Variants in PHAX observed in about 807,000 individuals in gnomAD.
PHAX encodes the protein phosphorylated adapter RNA export protein.
In PHAX, 31 loss-of-function variants were observed where a neutral mutation model predicts 41.6. The observed-to-expected ratio is 0.75, with a 90% CI of 0.56 to 1.01. The LOEUF is 1.01. Ranked by LOEUF, PHAX falls within the 50% of genes least tolerant of loss-of-function variation. The pLI is 0.00. For missense variants in PHAX, 453 were observed against 472.9 expected (o/e 0.96, Z 0.39); for synonymous variants, 175 against 164.9 (o/e 1.06, Z -0.47).
rs1172148406 is a variant in PHAX, at chr5:126,627,107, CTG to C, written c.*2265_*2266del. ...AAATGTAAAATTCAGCAATTATAAA[CTG>C]TTCCTTACAGACAGTGTACTTGAAG... On this transcript the variant is annotated 3_prime_UTR_variant, in exon 5 of 5. Coordinates refer to ENST00000297540, the MANE Select transcript of PHAX (RefSeq NM_032177.4). 6 of 152,150 alleles carry C rather than the reference CTG, an allele frequency of 3.9e-5. No homozygotes were observed. The highest frequency in any genetic ancestry group is 8.8e-5 in the Non-Finnish European group (6 of 68,034). 9.4% of individuals were successfully genotyped at this position (152,150 alleles called of 1,614,324 possible).
intron 2 of PHAX, among the ~76,000 whole-genome samples, chr5:126,605,044 A>G (rs1201119155): frequency 1.3e-5 from 2 of 151,888 alleles, no homozygotes; most frequent in East Asian, 3.9e-4. Flanking sequence ...AGAAAAAAAA[A>G]AAAATTAGGA....
intron 4 of PHAX, among the ~76,000 whole-genome samples, chr5:126,619,539 G>A (rs959088454): frequency 4.7e-5 from 7 of 149,902 alleles, no homozygotes; most frequent in African/African-American, 1.7e-4. Flanking sequence ...TCACACCACT[G>A]TACTCCAGCC....
At chr5:126,605,139 A>G (rs187623918) in intron 2 of PHAX, among the ~76,000 whole-genome samples, 2 of 151,502 alleles carry the variant, frequency 1.3e-5, no homozygotes, top group East Asian at 1.9e-4. Flanking sequence ...CTGGGATTAT[A>G]TGCATCAACC....
In PHAX at chr5:126,624,901, A is replaced by G. The variant is rs1390968819; in HGVS notation, c.*57A>G. 1 of 1,470,596 alleles carries G rather than the reference A, an allele frequency of 6.8e-7. No homozygotes were observed. The highest frequency in any genetic ancestry group is 9.2e-7 in the Non-Finnish European group (1 of 1,088,110). The allele number at this position is 1,470,596 out of a possible 1,614,324, so 91.1% of individuals were successfully genotyped here. On this transcript the variant is annotated 3_prime_UTR_variant, in exon 5 of 5. Transcript: ENST00000297540. ...TTCTAAAATAACATTGTAATAAACC[A>G]TTTTTACTGAGATTGCAACGTTTTG...
chr5:126,624,467 T>G (rs1173311259), intron 4 of PHAX, 108 bp from the exon 5 acceptor site: 2 of 869,844 alleles, frequency 2.3e-6, no homozygotes, highest in African/African-American at 1.7e-5. Flanking sequence ...CTAATAATAC[T>G]TGTATTTTTT....
intron 3 of PHAX, among the ~76,000 whole-genome samples, chr5:126,610,541 C>T (rs537793635): frequency 6.6e-6 from 1 of 152,334 alleles, no homozygotes; most frequent in African/African-American, 2.4e-5. Context: ...AATGCACTGC[C>T]ATCCCTATTT....
chr5:126,622,191 T>C (rs1202151358), intron 4 of PHAX, among the ~76,000 whole-genome samples: 1 of 152,100 alleles, frequency 6.6e-6, no homozygotes, highest in Non-Finnish European at 1.5e-5. Flanking sequence ...TGGAGTGCAG[T>C]GGCGCGCTCT....
At chr5:126,616,304 C>T (rs2112835593) in intron 3 of PHAX, among the ~76,000 whole-genome samples, 1 of 152,122 alleles carries the variant, frequency 6.6e-6, no homozygotes. Flanking sequence ...TGTTGTTGAC[C>T]AGGCTAGTCT....
chr5:126,604,030 G>T lies in PHAX; in HGVS notation c.557G>T (p.Gly186Val), dbSNP rs749620095. 1 of 1,613,914 alleles carries T rather than the reference G, an allele frequency of 6.2e-7. No individual in the cohort carries two copies. Among genetic ancestry groups the T allele is most frequent in the South Asian group, 1.1e-5 (1 of 91,054 alleles). The change falls in exon 2 of 5, where the codon GGA (glycine) becomes GTA (valine). Residue 186 changes from glycine to valine, a missense_variant. Coordinates refer to ENST00000297540, the MANE Select transcript of PHAX (RefSeq NM_032177.4). ...TATATGCATGGTGGCAAAAAAATGG[G>T]ATCAAAGGAAGAGGAAAATGGGCAA... ...DEYMHGGKKM[G>V]SKEEENGQGH...
intron 3 of PHAX, among the ~76,000 whole-genome samples, chr5:126,609,020 C>G (rs929157895): frequency 6.8e-6 from 1 of 147,382 alleles, no homozygotes; most frequent in Non-Finnish European, 1.5e-5. Context: ...AACAAACAAA[C>G]AAACATAAAT....
intron 4 of PHAX, among the ~76,000 whole-genome samples, chr5:126,622,195 G>A (rs993598253): frequency 5.3e-5 from 8 of 151,912 alleles, no homozygotes; most frequent in Non-Finnish European, 1.0e-4. Context: ...GTGCAGTGGC[G>A]CGCTCTCGGC....
In PHAX at chr5:126,617,344, T is replaced by C. The variant is rs1200268125; in HGVS notation, c.915+11T>C. ...GAGGAACAAATTAAGGTAATGATAA[T>C]GTCCTCACCTCTTAAGCGCCATCAT... On this transcript the variant is annotated intron_variant, in intron 4 of 4. Coordinates refer to ENST00000297540, the MANE Select transcript of PHAX (RefSeq NM_032177.4). 2.0e-6 allele frequency: 3 copies of C among 1,521,804 alleles called. No homozygotes were observed. Among genetic ancestry groups the C allele is most frequent in the Non-Finnish European group, 1.8e-6 (2 of 1,098,802 alleles). The allele number at this position is 1,521,804 out of a possible 1,614,324, so 94.3% of individuals were successfully genotyped here.
At chr5:126,602,864 G>A (rs1751925479) in intron 1 of PHAX, among the ~76,000 whole-genome samples, 4 of 152,036 alleles carry the variant, frequency 2.6e-5, no homozygotes, top group Non-Finnish European at 5.9e-5. Context: ...AATTAGCTGG[G>A]CGTGGTGGCG....
chr5:126,622,737 A>G (rs1024347614), intron 4 of PHAX, among the ~76,000 whole-genome samples: 4 of 152,162 alleles, frequency 2.6e-5, no homozygotes, highest in Admixed American at 6.6e-5. Context: ...AAATGCTTCT[A>G]CTGTGGCTTC....
chr5:126,611,568 T>C (rs1752101655), intron 3 of PHAX, among the ~76,000 whole-genome samples: 1 of 152,096 alleles, frequency 6.6e-6, no homozygotes, highest in South Asian at 2.1e-4. Flanking sequence ...GGTAGATTGC[T>C]TGAGTACAGG....
At chr5:126,602,357 G>A (rs549384996) in intron 1 of PHAX, among the ~76,000 whole-genome samples, 159 of 152,364 alleles carry the variant, frequency 1.0e-3, no homozygotes, top group African/African-American at 3.6e-3. Context: ...TGGGGCCACC[G>A]ATGTGTGACC....
intron 2 of PHAX, among the ~76,000 whole-genome samples, chr5:126,608,050 T>C (rs1254394640): frequency 6.6e-6 from 1 of 152,164 alleles, no homozygotes; most frequent in Non-Finnish European, 1.5e-5. Flanking sequence ...ATTTTGACAA[T>C]AGTGGACTGC....
At chr5:126,601,783 C>G (rs569715745) in intron 1 of PHAX, among the ~76,000 whole-genome samples, 27 of 152,316 alleles carry the variant, frequency 1.8e-4, no homozygotes, top group Non-Finnish European at 7.3e-5. Flanking sequence ...TCTCCTGCCT[C>G]AGCCTCCCGA....
chr5:126,607,644 C>T (rs1351758067), intron 2 of PHAX, among the ~76,000 whole-genome samples: 2 of 151,952 alleles, frequency 1.3e-5, no homozygotes, highest in African/African-American at 4.8e-5. Flanking sequence ...CTCAGGTGAT[C>T]CACCCACCTC....
Sources: gnomAD v4.1 joint callset for allele counts (sites outside exome capture counted in the v4.1 genomes callset) on GRCh38, gnomAD v4.1.1 for gene constraint, MANE v1.5 for transcripts, NCBI Gene and HGNC (gene_info 2026-07-23, HGNC 2026-07-21) for gene names.